The following SLC8A1 variants were observed in gnomAD, a reference collection of about 807,000 sequenced individuals.
The protein encoded by SLC8A1 is sodium/calcium exchanger 1.
A neutral mutation model predicts 68.3 loss-of-function variants in SLC8A1; 18 were observed. That is an observed-to-expected ratio of 0.26 (90% CI 0.18 to 0.39). The LOEUF (loss-of-function observed/expected upper bound fraction) is 0.39. SLC8A1 is among the 10% of genes least tolerant of loss of function. SLC8A1 has a pLI of 1.00. For missense variants in SLC8A1, 985 were observed against 1,156.7 expected (o/e 0.85, Z 2.15); for synonymous variants, 475 against 415.5 (o/e 1.14, Z -1.74).
In SLC8A1 at chr2:40,396,748, T is replaced by TAAAAAAAAAAAAA. The variant is rs368483768; in HGVS notation, c.1808+31712_1808+31724dup. Among the ~76,000 whole-genome samples, 65 of 87,044 alleles carry TAAAAAAAAAAAAA rather than the reference T, an allele frequency of 7.5e-4. 3 individuals are homozygous for TAAAAAAAAAAAAA. The highest frequency in any genetic ancestry group is 1.4e-3 in the African/African-American group (22 of 16,122). 57.1% of individuals were successfully genotyped at this position (87,044 alleles called of 152,430 possible). A position where few individuals can be genotyped will look rare whatever the true frequency, so the allele number is the denominator to read the frequency against. On this transcript the variant is annotated intron_variant, in intron 2 of 7. Transcript: ENST00000406785. The stretch of plus-strand genomic sequence containing the variant: ...TTTAACCTCCATCATCTCTAATAAC[T>TAAAAAAAAAAAAA]AAAAAAAAAAAAAAAAAAAAAAAAA...
chr2:40,451,399 A>T (rs1234281727), intron 1 of SLC8A1, among the ~76,000 whole-genome samples: 1 of 152,038 alleles, frequency 6.6e-6, no homozygotes, highest in East Asian at 1.9e-4. Flanking sequence ...TGAGCACCCA[A>T]CGCCCGCTGG....
intron 2 of SLC8A1, among the ~76,000 whole-genome samples, chr2:40,285,334 G>C (rs1327118444): frequency 6.6e-6 from 1 of 152,114 alleles, no homozygotes; most frequent in Non-Finnish European, 1.5e-5. Context: ...TGTAAGGACA[G>C]ACCCATGCTT....
chr2:40,371,566 T>C (rs1361715436), intron 2 of SLC8A1, among the ~76,000 whole-genome samples: 1 of 152,138 alleles, frequency 6.6e-6, no homozygotes, highest in Non-Finnish European at 1.5e-5. Context: ...CCGAATAGGC[T>C]AATGAAGGTA....
intron 1 of SLC8A1, among the ~76,000 whole-genome samples, chr2:40,509,986 C>T (rs1479947451): frequency 4.6e-5 from 7 of 152,024 alleles, no homozygotes; most frequent in Admixed American, 4.6e-4. Flanking sequence ...CACCGCCACA[C>T]CTGGCTAATT....
chr2:40,185,516 T>C (rs1007135470), intron 2 of SLC8A1, among the ~76,000 whole-genome samples: 2 of 152,104 alleles, frequency 1.3e-5, no homozygotes, highest in Non-Finnish European at 2.9e-5. Flanking sequence ...TGTGATTACA[T>C]GTTATAGGAA....
At chr2:40,209,802 G>C (rs1003123765) in intron 2 of SLC8A1, among the ~76,000 whole-genome samples, 1 of 152,124 alleles carries the variant, frequency 6.6e-6, no homozygotes, top group African/African-American at 2.4e-5. Context: ...AAGATCATCA[G>C]CTGACAGTAA....
chr2:40,234,845 C>A (rs2148919666), intron 2 of SLC8A1, among the ~76,000 whole-genome samples: 1 of 152,232 alleles, frequency 6.6e-6, no homozygotes, highest in Admixed American at 6.5e-5. Flanking sequence ...TTTTCTGCAT[C>A]TATTGAGATA....
At chr2:40,252,204 G>A (rs991123046) in intron 2 of SLC8A1, among the ~76,000 whole-genome samples, 1 of 152,206 alleles carries the variant, frequency 6.6e-6, no homozygotes, top group Non-Finnish European at 1.5e-5. Context: ...TCTGGGTTCA[G>A]ATGTTGGACT....
At chr2:40,164,648 C>T (rs971122246) in intron 5 of SLC8A1, among the ~76,000 whole-genome samples, 2 of 152,100 alleles carry the variant, frequency 1.3e-5, no homozygotes, top group South Asian at 2.1e-4. Flanking sequence ...GGCCCTGGTT[C>T]GGATGCTGTT....
At chr2:40,200,995 T>C (rs974340808) in intron 2 of SLC8A1, among the ~76,000 whole-genome samples, 3 of 151,848 alleles carry the variant, frequency 2.0e-5, no homozygotes, top group Admixed American at 2.0e-4. Context: ...TCTTCTTTTA[T>C]TCTCTTCTCT....
chr2:40,219,670 G>A (rs1269821541), intron 2 of SLC8A1, among the ~76,000 whole-genome samples: 2 of 152,048 alleles, frequency 1.3e-5, no homozygotes, highest in African/African-American at 4.8e-5. Context: ...ATTCTAATAA[G>A]TTGTTAGCCA....
chr2:40,101,264 C>G, exon 8 of SLC8A1: 1 of 152,154 alleles, frequency 6.6e-6, no homozygotes. Context: ...CCTTGTGAGT[C>G]TTTGAAAATG....
At chr2:40,380,319 A>C (rs922883933) in intron 2 of SLC8A1, among the ~76,000 whole-genome samples, 5 of 152,200 alleles carry the variant, frequency 3.3e-5, no homozygotes, top group Non-Finnish European at 7.3e-5. Context: ...TTTACAAAAC[A>C]GCCTGGAAGA....
At chr2:40,101,707 A>C (rs890096223) in exon 8 of SLC8A1, 7 of 152,152 alleles carry the variant, frequency 4.6e-5, no homozygotes, top group African/African-American at 1.7e-4. Flanking sequence ...AAGGGAAAGC[A>C]TAATTAAGCA....
intron 2 of SLC8A1, among the ~76,000 whole-genome samples, chr2:40,354,659 G>A (rs114879874): frequency 1.1e-3 from 175 of 152,262 alleles, no homozygotes; most frequent in Non-Finnish European, 2.1e-3. Context: ...ATATTGCCTG[G>A]ATGACTTGTC....
intron 7 of SLC8A1, among the ~76,000 whole-genome samples, chr2:40,135,944 A>G (rs2040421957): frequency 6.6e-6 from 1 of 152,214 alleles, no homozygotes. Context: ...GTCTGGCATC[A>G]ATATAGGGAA....
chr2:40,122,979 A>C (rs1362939240), intron 7 of SLC8A1, among the ~76,000 whole-genome samples: 3 of 152,152 alleles, frequency 2.0e-5, no homozygotes, highest in Non-Finnish European at 4.4e-5. Context: ...ATGGAGGTTT[A>C]TTTTTCAGGG....
chr2:40,134,434 C>T (rs1204889871), intron 7 of SLC8A1, among the ~76,000 whole-genome samples: 5 of 151,772 alleles, frequency 3.3e-5, no homozygotes, highest in South Asian at 2.1e-4. Flanking sequence ...CTGGGTCTTG[C>T]GAGAAGGGAT....
exon 7 of SLC8A1, chr2:40,139,447 A>G: frequency 6.2e-7 from 1 of 1,614,148 alleles, no homozygotes; most frequent in Non-Finnish European, 8.5e-7. Context: ...CAGTCACAGA[A>G]TCTTTCAGGC....
Sources: allele counts gnomAD v4.1 joint callset (sites outside exome capture counted in the v4.1 genomes callset), GRCh38; gene constraint gnomAD v4.1.1; transcripts MANE v1.5; gene names NCBI Gene and HGNC (gene_info 2026-07-23, HGNC 2026-07-21).